CEP83: variants seen among roughly 807,000 people sequenced by gnomAD.
CEP83 encodes centrosomal protein 83.
CEP83 carries 70 observed loss-of-function variants against 101.9 expected under a neutral mutation model. That is an observed-to-expected ratio of 0.69 (90% CI 0.57 to 0.84). CEP83 has a LOEUF of 0.84. Among genes scored for constraint, CEP83 ranks in the 40% least tolerant of loss-of-function variants. The pLI is 0.00. For missense variants in CEP83, 715 were observed against 787.2 expected, an observed-to-expected ratio of 0.91 and a Z score of 1.10; for synonymous variants, 264 against 267.9, an observed-to-expected ratio of 0.99 and a Z score of 0.14.
At chr12:94,312,235 T>TA (rs1462711564) in intron 15 of CEP83, among the ~76,000 whole-genome samples, 1 of 152,148 alleles carries the variant, frequency 6.6e-6, no homozygotes. Context: ...GAATGTTCTT[T>TA]AAAAAACAAT....
chr12:94,277,791 C>G, the CEP83 span: 2 of 369,392 alleles, frequency 5.4e-6, no homozygotes, highest in Non-Finnish European at 1.1e-5. Context: ...ATACTATCAT[C>G]AAGCCTTTCC....
intron 2 of CEP83, among the ~76,000 whole-genome samples, chr12:94,426,850 C>G (rs764280533): frequency 5.3e-5 from 8 of 151,984 alleles, no homozygotes; most frequent in Non-Finnish European, 1.0e-4. Flanking sequence ...AGCCATAAGC[C>G]AAGGAAAACC....
At position 94,308,906 on chromosome 12, in the gene CEP83, A is replaced by C; in HGVS notation, c.2013T>G (p.His671Gln). The change falls in exon 17 of 17, where the codon CAT becomes CAG. Residue 671 changes from histidine to glutamine, a missense_variant. Coordinates refer to ENST00000397809, the MANE Select transcript of CEP83 (RefSeq NM_016122.3). ...PFPPHMQEEQ[H>Q]QRELSLLRKR... is the part of the protein sequence containing the mutation. Reference sequence around the variant, plus strand: ...TGCGAAGTAGAGAGAGTTCCCTTTGATGTTGTTCCTCCTTAAAATGATGTA... The same window carrying C: ...TGCGAAGTAGAGAGAGTTCCCTTTGCTGTTGTTCCTCCTTAAAATGATGTA... The C allele has an allele frequency of 6.2e-7, 1 of 1,609,172 alleles. No homozygotes were observed. Among genetic ancestry groups the C allele is most frequent in the Non-Finnish European group, 8.5e-7 (1 of 1,175,800 alleles).
At position 94,442,915 on chromosome 12, in the gene CEP83, C is replaced by A. The variant is rs1318886962; in HGVS notation, c.-154-7588G>T. Among the ~76,000 whole-genome samples, 3 of 152,192 alleles carry A rather than the reference C, an allele frequency of 2.0e-5. No individual in the cohort carries two copies. In the East Asian group the frequency reaches 5.8e-4, roughly 29 times the overall value. On this transcript the variant is annotated intron_variant, in intron 1 of 16. Transcript: ENST00000397809. ...TTCTTCCCCATTTCTAGAGCCATCA[C>A]ACTCCAGTGCCGAATCTTAAATATT...
chr12:94,419,580 T>G (rs147237472), intron 2 of CEP83, among the ~76,000 whole-genome samples: 1 of 152,120 alleles, frequency 6.6e-6, no homozygotes, highest in African/African-American at 2.4e-5. Context: ...ATGAGAAGAC[T>G]TTACTATATA....
Position 94,380,679 on chromosome 12 carries a change from T to C in CEP83, c.550-1637A>G, listed in dbSNP as rs372353515. Among the ~76,000 whole-genome samples the C allele has an allele frequency of 3.3e-5, 5 of 152,312 alleles. No individual in the cohort carries two copies. The South Asian group carries it at 6.2e-4, about 19-fold the overall frequency. ...TCATCTAAGGTCAGGAGTCAATGTG[T>C]AACTCAAGTTCAGACAATGGTGCCC... On this transcript the variant is annotated intron_variant, in intron 6 of 16. Coordinates refer to ENST00000397809, the MANE Select transcript of CEP83 (RefSeq NM_016122.3).
At chr12:94,342,321 T>A (rs1397263881) in intron 11 of CEP83, among the ~76,000 whole-genome samples, 1 of 152,158 alleles carries the variant, frequency 6.6e-6, no homozygotes, top group Non-Finnish European at 1.5e-5. Context: ...AAAGCAGACA[T>A]AAAGCATTTC....
rs1416850005 is a variant in CEP83, at chr12:94,333,515, C to T, written c.1544G>A (p.Ser515Asn). 2.2e-5 allele frequency: 36 copies of T among 1,613,358 alleles called. No individual in the cohort carries two copies. The highest frequency in any genetic ancestry group is 2.8e-5 in the Non-Finnish European group (33 of 1,179,728). Reference sequence around the variant, plus strand: ...TTCTAGTTGCGCTTTTTCAGCTTGGCTTCTAAAATTTCGGCATTCTTGTTT... The same window carrying T: ...TTCTAGTTGCGCTTTTTCAGCTTGGTTTCTAAAATTTCGGCATTCTTGTTT... ...RLKQECRNFR[S>N]QAEKAQLEAE... The change falls in exon 13 of 17, where the codon AGC (serine) becomes AAC (asparagine). Residue 515 changes from serine (S) to asparagine (N), a missense_variant. Ser to Asn is a conservative substitution (Grantham distance 46). Coordinates refer to ENST00000397809, the MANE Select transcript of CEP83 (RefSeq NM_016122.3).
chr12:94,363,223 A>C (rs1250125301), intron 11 of CEP83, among the ~76,000 whole-genome samples: 1 of 152,214 alleles, frequency 6.6e-6, no homozygotes, highest in Non-Finnish European at 1.5e-5. Context: ...AGGTGATTGA[A>C]TATGCTAATT....
the CEP83 span, among the ~76,000 whole-genome samples, chr12:94,300,256 T>C: frequency 3.3e-5 from 5 of 152,150 alleles, no homozygotes; most frequent in Non-Finnish European, 7.4e-5. Flanking sequence ...GAGGCTAGTA[T>C]GTGTCAGGAC....
chr12:94,275,312 CAGG>C, the CEP83 span, among the ~76,000 whole-genome samples: 2 of 152,318 alleles, frequency 1.3e-5, no homozygotes, highest in South Asian at 4.1e-4. Flanking sequence ...CTAAATAGGG[CAGG>C]AGAACATGCT....
intron 11 of CEP83, among the ~76,000 whole-genome samples, chr12:94,340,132 G>GA (rs2059615722): frequency 1.3e-5 from 2 of 152,064 alleles, no homozygotes; most frequent in Non-Finnish European, 2.9e-5. Context: ...AAAAGCTCAA[G>GA]AAAAAAACAG....
At chr12:94,438,315 G>A (rs1399777413) in intron 1 of CEP83, among the ~76,000 whole-genome samples, 2 of 151,864 alleles carry the variant, frequency 1.3e-5, no homozygotes, top group Non-Finnish European at 2.9e-5. Context: ...AATACATAAG[G>A]ACTCATATAA....
chr12:94,453,183 A>G (rs74755462), intron 1 of CEP83, among the ~76,000 whole-genome samples: 4,260 of 152,142 alleles, frequency 0.028, 65 homozygotes, highest in East Asian at 0.075. Context: ...TTCCTATTAC[A>G]TGCTGGTGTT....
intron 6 of CEP83, among the ~76,000 whole-genome samples, chr12:94,384,968 C>G (rs538094373): frequency 1.7e-4 from 26 of 152,250 alleles, no homozygotes; most frequent in Admixed American, 2.6e-4. Context: ...TCAATGGAAA[C>G]TTGGACATTT....
the CEP83 span, among the ~76,000 whole-genome samples, chr12:94,268,131 G>A: frequency 3.9e-5 from 6 of 152,138 alleles, no homozygotes; most frequent in Admixed American, 1.3e-4. Context: ...CCCCACACTC[G>A]TGTTCAGCTA....
At chr12:94,273,032 G>A in the CEP83 span, among the ~76,000 whole-genome samples, 11 of 152,250 alleles carry the variant, frequency 7.2e-5, no homozygotes, top group Admixed American at 5.2e-4. Context: ...GACTCCCACC[G>A]GCTCCATGAT....
chr12:94,397,678 G>A lies in CEP83; in HGVS notation c.549+3172C>T, dbSNP rs570701701. Among the ~76,000 whole-genome samples the A allele has an allele frequency of 1.3e-4, 20 of 152,146 alleles. No individual in the cohort carries two copies. The South Asian group carries it at 4.2e-3, about 32-fold the overall frequency. On this transcript the variant is annotated intron_variant, in intron 6 of 16. Coordinates refer to ENST00000397809, the MANE Select transcript of CEP83 (RefSeq NM_016122.3). ...TAGAGAATACAAATAATCCTTACCAGATAAGTATCATCATTAGATTTTAAA... is the reference window on the plus strand; with the variant it reads ...TAGAGAATACAAATAATCCTTACCAAATAAGTATCATCATTAGATTTTAAA...
the CEP83 span, chr12:94,279,869 C>T: frequency 3.2e-4 from 220 of 684,252 alleles, 1 homozygote; most frequent in Admixed American, 1.0e-4. Flanking sequence ...TCAAAGATGG[C>T]GTTTGTTGTT....
Sources: gnomAD v4.1 joint callset for allele counts (sites outside exome capture counted in the v4.1 genomes callset) on GRCh38, gnomAD v4.1.1 for gene constraint, MANE v1.5 for transcripts, NCBI Gene and HGNC (gene_info 2026-07-23, HGNC 2026-07-21) for gene names.